Variants in TAPBP observed in about 807,000 individuals in gnomAD.
TAPBP encodes the protein tapasin.
A neutral mutation model predicts 45.7 loss-of-function variants in TAPBP; 38 were observed. The observed-to-expected ratio is 0.83, with a 90% CI of 0.64 to 1.09. The LOEUF is 1.09. TAPBP is among the 50% of genes least tolerant of loss of function. The pLI, the probability that TAPBP is intolerant of heterozygous loss-of-function variation, is 0.00. For missense variants in TAPBP, 513 were observed against 587.3 expected (o/e 0.87, Z 1.31); for synonymous variants, 226 against 254.8 (o/e 0.89, Z 1.08).
Position 33,313,267 on chromosome 6 carries a change from C to A in TAPBP, c.419G>T (p.Arg140Leu). The change falls in exon 3 of 8, where the codon CGA becomes CTA. Residue 140 changes from arginine (R) to leucine (L), a missense_variant. By Grantham distance (102) the Arg-to-Leu change is moderately radical. Coordinates refer to ENST00000434618, the MANE Select transcript of TAPBP (RefSeq NM_003190.5). The surrounding 1 kb of genome is among the most constrained non-coding windows in gnomAD (Gnocchi z 7.2). ...SPVLSLSSLL[R>L]PQPEPQQEPV... ...CTCCTGCTGAGGCTCTGGCTGTGGT[C>A]GCAAGAGGCTGGAGAGGCTGAGGAC... 6.2e-7 allele frequency: 1 copy of A among 1,614,020 alleles called. No homozygotes were observed. The highest frequency in any genetic ancestry group is 1.1e-5 in the South Asian group (1 of 91,082).
At chr6:33,309,272 C>G (rs1269086888) in intron 3 of TAPBP, among the ~76,000 whole-genome samples, 2 of 152,004 alleles carry the variant, frequency 1.3e-5, no homozygotes, top group African/African-American at 4.8e-5. Flanking sequence ...GTAATCACAG[C>G]TGCTTGGGAA....
intron 6 of TAPBP, 35 bp downstream of exon 6, chr6:33,304,093 C>A (rs1347539937): frequency 1.2e-6 from 2 of 1,611,344 alleles, no homozygotes; most frequent in South Asian, 2.2e-5. Context: ...AGTCCACCAA[C>A]CTCAGGTCAT....
chr6:33,311,394 C>T (rs1027440830), intron 3 of TAPBP, among the ~76,000 whole-genome samples: 3 of 152,054 alleles, frequency 2.0e-5, no homozygotes, highest in South Asian at 2.1e-4. Flanking sequence ...CTTCGGGAGG[C>T]GAGGTGGGAG....
chr6:33,309,782 T>C (rs973113459), intron 3 of TAPBP, among the ~76,000 whole-genome samples: 1 of 138,282 alleles, frequency 7.2e-6, no homozygotes, highest in African/African-American at 2.7e-5. Flanking sequence ...TGGAGTGCAG[T>C]GGCATGATCT....
intron 3 of TAPBP, among the ~76,000 whole-genome samples, chr6:33,307,222 AG>A: frequency 6.6e-6 from 1 of 152,062 alleles, no homozygotes; most frequent in Non-Finnish European, 1.5e-5. Context: ...TGGGAGGTAG[AG>A]GTTGCCGTAA....
At chr6:33,309,505 A>G in intron 3 of TAPBP, among the ~76,000 whole-genome samples, 1 of 151,696 alleles carries the variant, frequency 6.6e-6, no homozygotes, top group East Asian at 1.9e-4. Flanking sequence ...GCAGTTTGAG[A>G]CCAGCCTGGG....
chr6:33,305,337 G>T lies in TAPBP; in HGVS notation c.520C>A (p.Gln174Lys). 1 of 1,546,260 alleles carries T rather than the reference G, an allele frequency of 6.5e-7. No homozygotes were observed. Among genetic ancestry groups the T allele is most frequent in the Non-Finnish European group, 8.7e-7 (1 of 1,147,606 alleles). ...HTPAPRVRLG[Q>K]DALLDLSFAY... Reference sequence around the variant, plus strand: ...AAGCTCAAGTCCAGCAGAGCATCTTGTCCCAGTCTCACTCGAGGGGCAGGG... The same window carrying T: ...AAGCTCAAGTCCAGCAGAGCATCTTTTCCCAGTCTCACTCGAGGGGCAGGG... The change falls in exon 4 of 8, where the codon CAA becomes AAA. Residue 174 changes from glutamine to lysine, a missense_variant. Coordinates refer to ENST00000434618, the MANE Select transcript of TAPBP (RefSeq NM_003190.5). The surrounding 1 kb of genome is among the most constrained non-coding windows in gnomAD (Gnocchi z 4.4).
At chr6:33,303,903 G>A in intron 7 of TAPBP, 52 bp downstream of exon 7, 1 of 1,614,060 alleles carries the variant, frequency 6.2e-7, no homozygotes, top group African/African-American at 1.3e-5. Context: ...TTTGAGATAG[G>A]ATGAGGAGAT....
chr6:33,307,998 C>T (rs1769085849), intron 3 of TAPBP: 2 of 152,626 alleles, frequency 1.3e-5, no homozygotes, highest in Admixed American at 1.3e-4. Flanking sequence ...AAGATCTGAC[C>T]TTTGCCTATC....
At chr6:33,304,901 C>A (rs1768861414) in intron 4 of TAPBP, 88 bp downstream of exon 4, 1 of 1,542,802 alleles carries the variant, frequency 6.5e-7, no homozygotes, top group Admixed American at 1.9e-5. Flanking sequence ...GCCCAGGCAC[C>A]CTCTTATCCA....
At chr6:33,312,311 A>T (rs1769404179) in intron 3 of TAPBP, among the ~76,000 whole-genome samples, 1 of 152,092 alleles carries the variant, frequency 6.6e-6, no homozygotes, top group Non-Finnish European at 1.5e-5. Context: ...TTCTGTGGGT[A>T]ATTCTCAGGA....
Position 33,299,962 on chromosome 6 carries a change from C to T in TAPBP, c.*1798G>A, listed in dbSNP as rs892427748. 6.5e-6 allele frequency: 1 copy of T among 153,646 alleles called. No homozygotes were observed. The highest frequency in any genetic ancestry group is 1.5e-5 in the Non-Finnish European group (1 of 68,080). 9.5% of individuals were successfully genotyped at this position (153,646 alleles called of 1,614,324 possible). A position where few individuals can be genotyped will look rare whatever the true frequency, so the allele number is the denominator to read the frequency against. On this transcript the variant is annotated 3_prime_UTR_variant, in exon 8 of 8. Transcript: ENST00000434618. The surrounding 1 kb of genome is among the most constrained non-coding windows in gnomAD (Gnocchi z 5.0). ...CATTTAACGACGACTCACACGATCA[C>T]TTAAATACAACTGTGGTGAACCGCA...
At chr6:33,311,489 G>A (rs568536788) in intron 3 of TAPBP, among the ~76,000 whole-genome samples, 59 of 152,240 alleles carry the variant, frequency 3.9e-4, no homozygotes, top group African/African-American at 1.3e-3. Flanking sequence ...TTAGCTGGGT[G>A]TGGTGGCAGG....
Position 33,305,439 on chromosome 6 carries a change from A to G in TAPBP, c.470-52T>C, listed in dbSNP as rs1220263734. Reference sequence around the variant, plus strand: ...TGGGAGGGGCATGAGGGAGAGAAAGAAGGAGAAAAAAATAGAGAAATGCAG... The same window carrying G: ...TGGGAGGGGCATGAGGGAGAGAAAGGAGGAGAAAAAAATAGAGAAATGCAG... On this transcript the variant is annotated intron_variant, in intron 3 of 7. Coordinates refer to ENST00000434618, the MANE Select transcript of TAPBP (RefSeq NM_003190.5). The surrounding 1 kb of genome is among the most constrained non-coding windows in gnomAD (Gnocchi z 4.4). 3 of 1,470,552 alleles carry G rather than the reference A, an allele frequency of 2.0e-6. No homozygotes were observed. The highest frequency in any genetic ancestry group is 2.7e-6 in the Non-Finnish European group (3 of 1,109,446). 91.1% of individuals were successfully genotyped at this position (1,470,552 alleles called of 1,614,324 possible). A position where few individuals can be genotyped will look rare whatever the true frequency, so the allele number is the denominator to read the frequency against.
intron 3 of TAPBP, among the ~76,000 whole-genome samples, chr6:33,311,934 G>T (rs11969555): frequency 6.6e-6 from 1 of 152,174 alleles, no homozygotes; most frequent in Non-Finnish European, 1.5e-5. Flanking sequence ...GTATATTTTA[G>T]AAACCTCCAA....
chr6:33,300,056 G>C lies in TAPBP; in HGVS notation c.*1704C>G, dbSNP rs1301563922. 2 of 154,194 alleles carry C rather than the reference G, an allele frequency of 1.3e-5. No homozygotes were observed. The highest frequency in any genetic ancestry group is 2.9e-5 in the Non-Finnish European group (2 of 68,328). 9.6% of individuals were successfully genotyped at this position (154,194 alleles called of 1,614,324 possible). ...CTCGTCTGCGACCCAGGGAGGGCAA[G>C]GGTGGACCAGGCAAAGGGAACAGAG... On this transcript the variant is annotated 3_prime_UTR_variant, in exon 8 of 8. Coordinates refer to ENST00000434618, the MANE Select transcript of TAPBP (RefSeq NM_003190.5).
At position 33,305,401 on chromosome 6, in the gene TAPBP, G is replaced by T; in HGVS notation, c.470-14C>A. 1 of 1,508,198 alleles carries T rather than the reference G, an allele frequency of 6.6e-7. No individual in the cohort carries two copies. The highest frequency in any genetic ancestry group is 8.9e-7 in the Non-Finnish European group (1 of 1,129,464). The allele number at this position is 1,508,198 out of a possible 1,614,324, so 93.4% of individuals were successfully genotyped here. A position where few individuals can be genotyped will look rare whatever the true frequency, so the allele number is the denominator to read the frequency against. ...CAGTCAGTACCACTGAGGAAGACAG[G>T]GAGATGAGGGGTTGGGAGGGGCATG... On this transcript the variant is annotated splice_polypyrimidine_tract_variant and intron_variant, in intron 3 of 7. Transcript: ENST00000434618. This position sits in a 1 kb window ranked among gnomAD's most constrained non-coding sequence, Gnocchi z 4.4.
At position 33,301,782 on chromosome 6, in the gene TAPBP, G is replaced by C; in HGVS notation, c.1336-11C>G. ...CCCTCACTCTGCTTTCTGGAAGAGA[G>C]GAAGGTGGTGAGGAATTCAGGATAT... On this transcript the variant is annotated splice_polypyrimidine_tract_variant and intron_variant, in intron 7 of 7. Coordinates refer to ENST00000434618, the MANE Select transcript of TAPBP (RefSeq NM_003190.5). 1 of 1,614,122 alleles carries C rather than the reference G, an allele frequency of 6.2e-7. No individual in the cohort carries two copies. Among genetic ancestry groups the C allele is most frequent in the Non-Finnish European group, 8.5e-7 (1 of 1,180,020 alleles).
intron 3 of TAPBP, among the ~76,000 whole-genome samples, chr6:33,306,301 A>C (rs941236212): frequency 2.6e-5 from 4 of 152,214 alleles, no homozygotes; most frequent in Admixed American, 6.5e-5. Flanking sequence ...ATGATCACCA[A>C]GCCCGCCAGA....
Sources: allele counts gnomAD v4.1 joint callset (sites outside exome capture counted in the v4.1 genomes callset), GRCh38; gene constraint gnomAD v4.1.1; non-coding constraint Gnocchi (gnomAD v3.1); transcripts MANE v1.5; gene names NCBI Gene and HGNC (gene_info 2026-07-23, HGNC 2026-07-21).